The following CARM1 variants were observed in gnomAD, a reference collection of about 807,000 sequenced individuals.
CARM1 encodes coactivator associated arginine methyltransferase 1.
A neutral mutation model predicts 72.7 loss-of-function variants in CARM1; 14 were observed. That is an observed-to-expected ratio of 0.19 (90% CI 0.13 to 0.30). The LOEUF is 0.30. Ranked by LOEUF, CARM1 falls within the 10% of genes least tolerant of loss-of-function variation. The pLI is 1.00. For synonymous variants in CARM1, 333 were observed against 345.5 expected (o/e 0.96, Z 0.40); for missense variants, 432 against 833.7 (o/e 0.52, Z 5.93).
At chr19:10,882,500 C>T (rs1222010491) in intron 1 of CARM1, among the ~76,000 whole-genome samples, 3 of 146,476 alleles carry the variant, frequency 2.0e-5, no homozygotes, top group African/African-American at 5.0e-5. Flanking sequence ...CTGCCCAAGT[C>T]GGACACAGCC....
chr19:10,899,692 G>A (rs1211264859), intron 1 of CARM1, among the ~76,000 whole-genome samples: 1 of 151,698 alleles, frequency 6.6e-6, no homozygotes, highest in Non-Finnish European at 1.5e-5. Context: ...ACCTGGACTC[G>A]TCAGTTAGGA....
In CARM1 at chr19:10,920,637, A is replaced by G. The variant is rs2145248366; in HGVS notation, c.1335-22A>G. 1.2e-6 allele frequency: 2 copies of G among 1,614,060 alleles called. No homozygotes were observed. Among genetic ancestry groups the G allele is most frequent in the East Asian group, 4.5e-5 (2 of 44,872 alleles). ...GTCCATCTGCCCAGCAGCTCATGCC[A>G]CGGCCTGCACCCTGTCCGCAGACAG... On this transcript the variant is annotated intron_variant, in intron 11 of 15. Coordinates refer to ENST00000327064, the MANE Select transcript of CARM1 (RefSeq NM_199141.2). The surrounding 1 kb of genome is among the most constrained non-coding windows in gnomAD (Gnocchi z 5.3).
chr19:10,871,604 G>GGCGGCGGCGGCGGCGGCGGCT lies in CARM1; in HGVS notation c.-79_-78insTGCGGCGGCGGCGGCGGCGGC, dbSNP rs2073814525. ...CGGTAGCGGCAGCGGCGGCGGCGGC[G>GGCGGCGGCGGCGGCGGCGGCT]GCGGCGGCGGCGGCGGCGGCGGCGG... On this transcript the variant is annotated 5_prime_UTR_variant, in exon 1 of 16. Coordinates refer to ENST00000327064, the MANE Select transcript of CARM1 (RefSeq NM_199141.2). The surrounding 1 kb of genome is among the most constrained non-coding windows in gnomAD (Gnocchi z 5.6). 1.5e-4 allele frequency: 17 copies of GGCGGCGGCGGCGGCGGCGGCT among 110,542 alleles called. 1 individual carries two copies. The South Asian group carries it at 2.5e-3, about 16-fold the overall frequency. The allele number at this position is 110,542 out of a possible 1,614,324, so 6.8% of individuals were successfully genotyped here.
At position 10,922,818 on chromosome 19, in the gene CARM1, C is replaced by G. The variant is rs2074280808; in HGVS notation, c.*1061C>G. The G allele has an allele frequency of 6.5e-6, 1 of 154,370 alleles. No individual in the cohort carries two copies. Among genetic ancestry groups the G allele is most frequent in the African/African-American group, 2.4e-5 (1 of 41,566 alleles). The allele number at this position is 154,370 out of a possible 1,614,324, so 9.6% of individuals were successfully genotyped here. A position where few individuals can be genotyped will look rare whatever the true frequency, so the allele number is the denominator to read the frequency against. ...CTTCTGCTCCCCTGTTTCTCATACC[C>G]CCAAACTCAGATGCTGGAGCTCAGG... On this transcript the variant is annotated 3_prime_UTR_variant, in exon 16 of 16. Coordinates refer to ENST00000327064, the MANE Select transcript of CARM1 (RefSeq NM_199141.2).
intron 1 of CARM1, among the ~76,000 whole-genome samples, chr19:10,890,372 A>T (rs2073974628): frequency 6.8e-6 from 1 of 147,580 alleles, no homozygotes; most frequent in South Asian, 2.1e-4. Context: ...GGTTCAAGTG[A>T]TTCTCCTGTC....
intron 1 of CARM1, among the ~76,000 whole-genome samples, chr19:10,873,683 A>G (rs1026176926): frequency 2.8e-5 from 3 of 108,670 alleles, no homozygotes; most frequent in African/African-American, 1.1e-4. Context: ...TCGGTCCCCC[A>G]GGCTGAAGTG....
Position 10,871,634 on chromosome 19 carries a change from G to GGCA in CARM1, c.-67_-66insAGC, listed in dbSNP as rs1568342836. On this transcript the variant is annotated 5_prime_UTR_variant, in exon 1 of 16. Transcript: ENST00000327064. The surrounding 1 kb of genome is among the most constrained non-coding windows in gnomAD (Gnocchi z 5.6). ...CGGCGGCGGCGGCGGCGGCGGCGGCGGCGGCAGCGGCGGCGGCCTGGGCCC... is the reference window on the plus strand; with the variant it reads ...CGGCGGCGGCGGCGGCGGCGGCGGCGGCAGCGGCAGCGGCGGCGGCCTGGGCCC... 6.5e-6 allele frequency: 1 copy of GGCA among 152,772 alleles called. No homozygotes were observed. Among genetic ancestry groups the GGCA allele is most frequent in the East Asian group, 6.6e-4 (1 of 1,512 alleles). 9.5% of individuals were successfully genotyped at this position (152,772 alleles called of 1,614,324 possible).
chr19:10,910,562 T>G (rs911435091), intron 4 of CARM1, among the ~76,000 whole-genome samples: 4 of 151,908 alleles, frequency 2.6e-5, no homozygotes, highest in African/African-American at 9.7e-5. Context: ...TTTTTATTTT[T>G]TTATTTTTAC....
intron 2 of CARM1, among the ~76,000 whole-genome samples, chr19:10,907,148 C>T (rs1322987649): frequency 6.6e-6 from 1 of 151,938 alleles, no homozygotes; most frequent in Admixed American, 6.6e-5. Context: ...CTCAAGTGAT[C>T]CACTCGCCTC....
intron 1 of CARM1, among the ~76,000 whole-genome samples, chr19:10,884,701 CTTTAT>C (rs998562419): frequency 6.6e-6 from 1 of 152,026 alleles, no homozygotes; most frequent in African/African-American, 2.4e-5. Flanking sequence ...TGCATCGCTT[CTTTAT>C]TTTATTATTT....
At position 10,920,359 on chromosome 19, in the gene CARM1, G is replaced by A; in HGVS notation, c.1197-77G>A. The A allele has an allele frequency of 6.6e-7, 1 of 1,519,796 alleles. No homozygotes were observed. The highest frequency in any genetic ancestry group is 1.4e-5 in the African/African-American group (1 of 72,656). 94.1% of individuals were successfully genotyped at this position (1,519,796 alleles called of 1,614,324 possible). A position where few individuals can be genotyped will look rare whatever the true frequency, so the allele number is the denominator to read the frequency against. On this transcript the variant is annotated intron_variant, in intron 10 of 15. Transcript: ENST00000327064. The surrounding 1 kb of genome is among the most constrained non-coding windows in gnomAD (Gnocchi z 5.3). Reference sequence around the variant, plus strand: ...GGCAGAGGGGGCAGGTGCTTGGGGAGGACTCAAGGCATACAAGGTGGTGGC... The same window carrying A: ...GGCAGAGGGGGCAGGTGCTTGGGGAAGACTCAAGGCATACAAGGTGGTGGC...
At chr19:10,873,922 A>G (rs1210887967) in intron 1 of CARM1, among the ~76,000 whole-genome samples, 3 of 152,064 alleles carry the variant, frequency 2.0e-5, no homozygotes, top group African/African-American at 7.2e-5. Flanking sequence ...TACAGGCATG[A>G]GCCACCCCGC....
Position 10,896,433 on chromosome 19 carries a change from T to C in CARM1, c.221-8518T>C, listed in dbSNP as rs2074024333. ...AGCCAGTCCACCAAGAGCTGCCCTCTTCCCCATCCCCATTGCCTCCTGCCT... is the reference window on the plus strand; with the variant it reads ...AGCCAGTCCACCAAGAGCTGCCCTCCTCCCCATCCCCATTGCCTCCTGCCT... On this transcript the variant is annotated intron_variant, in intron 1 of 15. Coordinates refer to ENST00000327064, the MANE Select transcript of CARM1 (RefSeq NM_199141.2). The surrounding 1 kb of genome is among the most constrained non-coding windows in gnomAD (Gnocchi z 5.2). Among the ~76,000 whole-genome samples the C allele has an allele frequency of 6.6e-6, 1 of 151,952 alleles. No individual in the cohort carries two copies. Among genetic ancestry groups the C allele is most frequent in the Non-Finnish European group, 1.5e-5 (1 of 67,968 alleles).
intron 1 of CARM1, among the ~76,000 whole-genome samples, chr19:10,899,685 TGGACTCGTCAGTTA>T (rs1160949122): frequency 2.0e-5 from 3 of 151,860 alleles, no homozygotes; most frequent in Non-Finnish European, 4.4e-5. Context: ...CCCTCATACC[TGGACTCGTCAGTTA>T]GGAACAGTTT....
At position 10,915,105 on chromosome 19, in the gene CARM1, T is replaced by C. The variant is rs1330369020; in HGVS notation, c.847+1051T>C. Among the ~76,000 whole-genome samples, 1 of 152,114 alleles carries C rather than the reference T, an allele frequency of 6.6e-6. No individual in the cohort carries two copies. The highest frequency in any genetic ancestry group is 2.4e-5 in the African/African-American group (1 of 41,414). On this transcript the variant is annotated intron_variant, in intron 6 of 15. Coordinates refer to ENST00000327064, the MANE Select transcript of CARM1 (RefSeq NM_199141.2). The surrounding 1 kb of genome is among the most constrained non-coding windows in gnomAD (Gnocchi z 4.6). ...GGCAGGGGGGAAGCTTCCACTCTCA[T>C]CTCTGGCCCGCCCTGGATCCAGGCC... is the stretch of plus-strand genomic sequence containing the variant.
Position 10,893,367 on chromosome 19 carries a change from C to A in CARM1, c.221-11584C>A, listed in dbSNP as rs527856176. 1.6e-3 allele frequency among the ~76,000 whole-genome samples: 236 copies of A among 151,424 alleles called. 2 individuals carry two copies. The highest frequency in any genetic ancestry group is 5.5e-3 in the African/African-American group (228 of 41,238). ...ATTTTATTTCATTTTGAGACAGAGT[C>A]TTACTCTCTCCCCCAGGTTGGAGTG... On this transcript the variant is annotated intron_variant, in intron 1 of 15. Coordinates refer to ENST00000327064, the MANE Select transcript of CARM1 (RefSeq NM_199141.2).
At chr19:10,919,490 G>A in intron 8 of CARM1, 105 bp from the exon 9 acceptor site, 1 of 808,168 alleles carries the variant, frequency 1.2e-6, no homozygotes. Flanking sequence ...CGTTTTAGCT[G>A]CACAGCCTAG....
chr19:10,920,050 A>C lies in CARM1; in HGVS notation c.1196+84A>C. The C allele has an allele frequency of 3.8e-6, 4 of 1,049,566 alleles. No individual in the cohort carries two copies. Among genetic ancestry groups the C allele is most frequent in the Non-Finnish European group, 4.4e-6 (3 of 683,434 alleles). The allele number at this position is 1,049,566 out of a possible 1,614,324, so 65.0% of individuals were successfully genotyped here. Reference sequence around the variant, plus strand: ...TGCAACCTGGCTGGGGGGGTGGAACATGGCTCCAGGTTCCACCATCCCTTC... The same window carrying C: ...TGCAACCTGGCTGGGGGGGTGGAACCTGGCTCCAGGTTCCACCATCCCTTC... On this transcript the variant is annotated intron_variant, in intron 10 of 15. Transcript: ENST00000327064. The surrounding 1 kb of genome is among the most constrained non-coding windows in gnomAD (Gnocchi z 5.3).
intron 1 of CARM1, among the ~76,000 whole-genome samples, chr19:10,901,014 C>T (rs1053074680): frequency 2.8e-5 from 4 of 143,338 alleles, no homozygotes; most frequent in African/African-American, 1.0e-4. Context: ...CGGAGTCTCA[C>T]TCTGTTGCCC....
Sources: gnomAD v4.1 joint callset for allele counts (sites outside exome capture counted in the v4.1 genomes callset) on GRCh38, gnomAD v4.1.1 for gene constraint, Gnocchi (gnomAD v3.1) non-coding constraint, MANE v1.5 for transcripts, NCBI Gene and HGNC (gene_info 2026-07-23, HGNC 2026-07-21) for gene names.